STX8: variants seen among roughly 807,000 people sequenced by gnomAD.
The protein encoded by STX8 is syntaxin 8.
A neutral mutation model predicts 37.5 loss-of-function variants in STX8; 23 were observed. The observed-to-expected ratio is 0.61, with a 90% CI of 0.44 to 0.87. The LOEUF is 0.87. Ranked by LOEUF, STX8 falls within the 40% of genes least tolerant of loss-of-function variation. The pLI is 0.00. For synonymous variants in STX8, 115 were observed against 99.1 expected (o/e 1.16, Z -0.95); for missense variants, 313 against 284.7 (o/e 1.10, Z -0.71).
intron 7 of STX8, among the ~76,000 whole-genome samples, chr17:9,266,862 A>C (rs1041913853): frequency 2.0e-5 from 3 of 152,220 alleles, no homozygotes; most frequent in Non-Finnish European, 2.9e-5. Flanking sequence ...GCTTTCAGCC[A>C]AGTCTTTTCC....
chr17:9,505,932 ACT>A (rs1904805387), intron 4 of STX8, among the ~76,000 whole-genome samples: 1 of 115,536 alleles, frequency 8.7e-6, no homozygotes, highest in Non-Finnish European at 1.7e-5. Flanking sequence ...GCGGAGCAAG[ACT>A]CTGTCTCAAA....
At chr17:9,522,669 G>A (rs1292772037) in intron 4 of STX8, among the ~76,000 whole-genome samples, 6 of 151,294 alleles carry the variant, frequency 4.0e-5, no homozygotes, top group South Asian at 4.2e-4. Flanking sequence ...CCGAGATCGC[G>A]CCACTGCACT....
chr17:9,318,070 C>T (rs1427570681), intron 7 of STX8, among the ~76,000 whole-genome samples: 1 of 152,154 alleles, frequency 6.6e-6, no homozygotes. Flanking sequence ...CTATGGCATG[C>T]TATAGAAGGC....
intron 7 of STX8, among the ~76,000 whole-genome samples, chr17:9,336,210 G>T (rs1910134616): frequency 6.6e-6 from 1 of 152,152 alleles, no homozygotes; most frequent in South Asian, 2.1e-4. Flanking sequence ...AGCAAGTGCT[G>T]AATGCAAACC....
chr17:9,399,445 C>A (rs1273948831), intron 6 of STX8, among the ~76,000 whole-genome samples: 1 of 152,180 alleles, frequency 6.6e-6, no homozygotes, highest in East Asian at 1.9e-4. Flanking sequence ...GTCTGTAGTG[C>A]AACCTGTCTG....
chr17:9,495,274 T>C (rs1479691508), intron 5 of STX8, among the ~76,000 whole-genome samples: 5 of 152,174 alleles, frequency 3.3e-5, no homozygotes, highest in African/African-American at 1.2e-4. Flanking sequence ...GAGGTCCTCT[T>C]GGTCTTTAAT....
At chr17:9,255,307 ATC>A (rs369874209) in intron 7 of STX8, among the ~76,000 whole-genome samples, 1 of 151,398 alleles carries the variant, frequency 6.6e-6, no homozygotes, top group Admixed American at 6.6e-5. Flanking sequence ...CGGGCGGATC[ATC>A]TGAGGTCAGG....
At chr17:9,535,424 C>CCTTTTTTTTTT (rs1905992804) in intron 4 of STX8, among the ~76,000 whole-genome samples, 136 of 51,568 alleles carry the variant, frequency 2.6e-3, no homozygotes, top group African/African-American at 9.0e-3. Context: ...AGCCATCCTA[C>CCTTTTTTTTTT]TTTTTTTTTT....
chr17:9,379,817 A>G (rs957128507), intron 6 of STX8, among the ~76,000 whole-genome samples: 2 of 151,994 alleles, frequency 1.3e-5, no homozygotes, highest in African/African-American at 2.4e-5. Flanking sequence ...AAAAATACAA[A>G]ATTAATCGGT....
intron 6 of STX8, among the ~76,000 whole-genome samples, chr17:9,483,545 GTTC>G (rs1308836903): frequency 3.9e-5 from 6 of 152,110 alleles, no homozygotes; most frequent in Non-Finnish European, 5.9e-5. Flanking sequence ...CTACCACGCT[GTTC>G]TTCTAAACTT....
chr17:9,440,770 C>A (rs958160298), intron 6 of STX8, among the ~76,000 whole-genome samples: 1 of 152,172 alleles, frequency 6.6e-6, no homozygotes, highest in Admixed American at 6.5e-5. Flanking sequence ...GGTGATCCAC[C>A]CGCCTCGGCC....
chr17:9,463,908 C>CAAA (rs11369850), intron 6 of STX8, among the ~76,000 whole-genome samples: 1 of 135,302 alleles, frequency 7.4e-6, no homozygotes, highest in Non-Finnish European at 1.6e-5. Context: ...AACTCCATCT[C>CAAA]AAAAAAAAAA....
chr17:9,362,043 T>C (rs554253928), intron 7 of STX8, among the ~76,000 whole-genome samples: 2 of 152,248 alleles, frequency 1.3e-5, no homozygotes, highest in Non-Finnish European at 2.9e-5. Context: ...TTTAAACATG[T>C]AACTAGGCTG....
At chr17:9,508,579 T>C (rs2142505396) in intron 4 of STX8, among the ~76,000 whole-genome samples, 1 of 152,346 alleles carries the variant, frequency 6.6e-6, no homozygotes, top group East Asian at 1.9e-4. Flanking sequence ...TCTGCCCGCC[T>C]TGGCCTCCCA....
Position 9,538,040 on chromosome 17 carries a change from T to C in STX8, c.323+7132A>G, listed in dbSNP as rs80312760. Among the ~76,000 whole-genome samples, 10 of 152,352 alleles carry C rather than the reference T, an allele frequency of 6.6e-5. No individual in the cohort carries two copies. In the East Asian group the frequency reaches 7.7e-4, roughly 12 times the overall value. ...AGGCACTCAATAAAGATCTACTTAA[T>C]GAAGGAAGGTTTGCTTTACCACATT... On this transcript the variant is annotated intron_variant, in intron 4 of 7. Coordinates refer to ENST00000306357, the MANE Select transcript of STX8 (RefSeq NM_004853.3).
chr17:9,253,397 G>A (rs536765232), intron 7 of STX8, among the ~76,000 whole-genome samples: 14 of 152,184 alleles, frequency 9.2e-5, no homozygotes, highest in Middle Eastern at 3.4e-3. Flanking sequence ...ACATCTTCAG[G>A]TTGACCAAAA....
intron 6 of STX8, among the ~76,000 whole-genome samples, chr17:9,476,449 CT>C (rs539953464): frequency 1.2e-4 from 17 of 147,704 alleles, no homozygotes; most frequent in Admixed American, 6.8e-4. Flanking sequence ...TTCTTCTTTT[CT>C]TTTTTTTTTC....
chr17:9,513,211 G>A (rs1905070217), intron 4 of STX8, among the ~76,000 whole-genome samples: 1 of 151,322 alleles, frequency 6.6e-6, no homozygotes, highest in South Asian at 2.1e-4. Flanking sequence ...TGGAAAAATG[G>A]GCAAATGAGC....
intron 5 of STX8, among the ~76,000 whole-genome samples, chr17:9,494,591 G>C (rs914361590): frequency 7.4e-6 from 1 of 134,684 alleles, no homozygotes; most frequent in African/African-American, 2.9e-5. Flanking sequence ...ACTCCAGCCT[G>C]GGTAACAGAG....
Sources: gnomAD v4.1 joint callset for allele counts (sites outside exome capture counted in the v4.1 genomes callset) on GRCh38, gnomAD v4.1.1 for gene constraint, MANE v1.5 for transcripts, NCBI Gene and HGNC (gene_info 2026-07-23, HGNC 2026-07-21) for gene names.